Variants in RGS6 observed in about 807,000 individuals in gnomAD.
RGS6 encodes regulator of G-protein signaling 6.
A neutral mutation model predicts 78.5 loss-of-function variants in RGS6; 30 were observed. The ratio of observed to expected loss-of-function variants is 0.38; its 90% CI spans 0.29 to 0.52. The LOEUF (loss-of-function observed/expected upper bound fraction) is 0.52, where lower values mean the gene tolerates loss of function less well. RGS6 is among the 20% of genes least tolerant of loss of function. The probability of loss-of-function intolerance (pLI) is 0.85; values close to 1 mark genes in which losing one functional copy is unlikely to be tolerated. For missense variants in RGS6, 495 were observed against 609.7 expected, an observed-to-expected ratio of 0.81 and a Z score of 1.98; for synonymous variants, 206 against 206.0, an observed-to-expected ratio of 1.00 and a Z score of 0.00.
intron 2 of RGS6, among the ~76,000 whole-genome samples, chr14:72,282,701 A>G (rs1188859462): frequency 6.6e-6 from 1 of 152,236 alleles, no homozygotes; most frequent in Non-Finnish European, 1.5e-5. Context: ...TATCATCACA[A>G]TCCAGGGAAT....
intron 7 of RGS6, among the ~76,000 whole-genome samples, chr14:72,469,090 A>G (rs1290792775): frequency 1.3e-5 from 2 of 152,106 alleles, no homozygotes; most frequent in South Asian, 2.1e-4. Flanking sequence ...AGGTAACTCT[A>G]CAGACTTAGA....
intron 2 of RGS6, among the ~76,000 whole-genome samples, chr14:72,058,414 C>G (rs2093725196): frequency 6.6e-6 from 1 of 151,836 alleles, no homozygotes; most frequent in Non-Finnish European, 1.5e-5. Flanking sequence ...ACTCTAAAAT[C>G]ACATGGTTAT....
chr14:72,533,594 T>C (rs530956768), intron 15 of RGS6, among the ~76,000 whole-genome samples: 2 of 152,368 alleles, frequency 1.3e-5, no homozygotes, highest in East Asian at 3.9e-4. Flanking sequence ...GTCACCCTTC[T>C]GGTGGATGCC....
At chr14:72,546,111 A>G (rs2097397436) in intron 17 of RGS6, among the ~76,000 whole-genome samples, 1 of 152,204 alleles carries the variant, frequency 6.6e-6, no homozygotes, top group Non-Finnish European at 1.5e-5. Flanking sequence ...ACCCTGGGCC[A>G]GCTTGTTGCT....
At chr14:72,468,584 T>A (rs2095988621) in intron 7 of RGS6, among the ~76,000 whole-genome samples, 1 of 152,176 alleles carries the variant, frequency 6.6e-6, no homozygotes, top group Admixed American at 6.5e-5. Flanking sequence ...ACCTAAGTTT[T>A]TTCTATGCAT....
At chr14:72,189,805 G>T (rs1414591596) in intron 2 of RGS6, among the ~76,000 whole-genome samples, 1 of 152,006 alleles carries the variant, frequency 6.6e-6, no homozygotes. Flanking sequence ...ATACCACATG[G>T]TTGAGACACG....
intron 17 of RGS6, among the ~76,000 whole-genome samples, chr14:72,551,585 G>A (rs897965915): frequency 2.0e-5 from 3 of 152,316 alleles, no homozygotes; most frequent in Non-Finnish European, 4.4e-5. Context: ...GGTCCCTTTA[G>A]TACCCACCAG....
At chr14:72,261,006 C>T (rs1291719471) in intron 2 of RGS6, among the ~76,000 whole-genome samples, 1 of 152,130 alleles carries the variant, frequency 6.6e-6, no homozygotes, top group East Asian at 1.9e-4. Flanking sequence ...GCAACCCAGA[C>T]TGTGAGAACC....
chr14:71,877,745 G>T, the RGS6 span, among the ~76,000 whole-genome samples: 1 of 152,300 alleles, frequency 6.6e-6, no homozygotes, highest in Non-Finnish European at 1.5e-5. Flanking sequence ...CATTCCTTTG[G>T]AGGAGAAGAG....
intron 2 of RGS6, among the ~76,000 whole-genome samples, chr14:72,286,698 C>T (rs1228063598): frequency 6.6e-6 from 1 of 152,090 alleles, no homozygotes; most frequent in Admixed American, 6.6e-5. Context: ...GATGTTGCCT[C>T]AGTTTCAGTG....
chr14:72,400,793 A>G (rs576376295), intron 3 of RGS6, among the ~76,000 whole-genome samples: 1 of 152,206 alleles, frequency 6.6e-6, no homozygotes, highest in Non-Finnish European at 1.5e-5. Context: ...TCCTCCACCT[A>G]CCTTCTTATC....
intron 15 of RGS6, among the ~76,000 whole-genome samples, chr14:72,525,625 A>G (rs555847086): frequency 6.6e-6 from 1 of 152,354 alleles, no homozygotes; most frequent in East Asian, 1.9e-4. Context: ...TAAAAGCCAA[A>G]GCCCAGTAGA....
rs116727005 is a variant in RGS6, at chr14:72,057,720, T to C, written c.84+92845T>C. Among the ~76,000 whole-genome samples, 603 of 152,340 alleles carry C rather than the reference T, an allele frequency of 4.0e-3. 1 individual carries two copies. The highest frequency in any genetic ancestry group is 0.014 in the African/African-American group (589 of 41,564). ...TAAATAACTTAATTGTAGGGCCTTT[T>C]GCGCGTCATTTTGTGCTCCTACTTA... On this transcript the variant is annotated intron_variant, in intron 2 of 17. Transcript: ENST00000553525.
chr14:72,459,685 T>C lies in RGS6; in HGVS notation c.394+2T>C, dbSNP rs2095726985. 1 of 1,613,994 alleles carries C rather than the reference T, an allele frequency of 6.2e-7. No homozygotes were observed. The highest frequency in any genetic ancestry group is 8.5e-7 in the Non-Finnish European group (1 of 1,180,002). On this transcript the variant is annotated splice_donor_variant, in intron 6 of 17. Coordinates refer to ENST00000553525, the MANE Select transcript of RGS6 (RefSeq NM_001204424.2). LOFTEE classifies it high-confidence loss of function. ...GGGAACCTGAAAACACTGACTATGG[T>C]GAGAACTGAAGCCACTGGGAACTCT... is the stretch of plus-strand genomic sequence containing the variant.
intron 2 of RGS6, among the ~76,000 whole-genome samples, chr14:72,227,828 C>A (rs548362212): frequency 6.6e-6 from 1 of 152,232 alleles, no homozygotes; most frequent in East Asian, 1.9e-4. Flanking sequence ...CTTCTATTAG[C>A]TGTGGCTTGG....
chr14:71,871,291 T>C, the RGS6 span, among the ~76,000 whole-genome samples: 5 of 152,266 alleles, frequency 3.3e-5, no homozygotes, highest in East Asian at 9.6e-4. Flanking sequence ...GGGCATTTTC[T>C]CCAGAATCTT....
At chr14:72,188,977 G>T (rs1300780630) in intron 2 of RGS6, among the ~76,000 whole-genome samples, 1 of 152,184 alleles carries the variant, frequency 6.6e-6, no homozygotes, top group Non-Finnish European at 1.5e-5. Context: ...ATAGAACGAG[G>T]TGCTCGAGGG....
chr14:72,545,520 C>T (rs563442971), intron 17 of RGS6, among the ~76,000 whole-genome samples: 2 of 152,180 alleles, frequency 1.3e-5, no homozygotes, highest in African/African-American at 4.8e-5. Context: ...TGGTCCCTTC[C>T]AGCTAGCGGT....
intron 2 of RGS6, among the ~76,000 whole-genome samples, chr14:72,088,910 C>G (rs569085513): frequency 6.6e-6 from 1 of 152,246 alleles, no homozygotes; most frequent in Non-Finnish European, 1.5e-5. Context: ...CTGTCAAGAA[C>G]GTTCCTGCTC....
Sources: gnomAD v4.1 joint callset for allele counts (sites outside exome capture counted in the v4.1 genomes callset) on GRCh38, gnomAD v4.1.1 for gene constraint, MANE v1.5 for transcripts, NCBI Gene and HGNC (gene_info 2026-07-23, HGNC 2026-07-21) for gene names.